The following PYY variants were observed in gnomAD, a reference collection of about 807,000 sequenced individuals.
PYY encodes peptide YY.
Under a neutral mutation model 10.3 loss-of-function variants are expected in PYY, and 12 were observed. The observed-to-expected ratio is 1.17, with a 90% confidence interval of 0.75 to 1.89. The LOEUF (loss-of-function observed/expected upper bound fraction) is 1.89. Among genes scored for constraint, PYY ranks in the 40% most tolerant of loss-of-function variants. PYY has a pLI of 0.00. For missense variants in PYY, 141 were observed against 134.0 expected (o/e 1.05, Z -0.26); for synonymous variants, 66 against 62.0 (o/e 1.06, Z -0.30).
At chr17:44,001,534 C>T (rs1483443423) in intron 1 of PYY, among the ~76,000 whole-genome samples, 1 of 152,202 alleles carries the variant, frequency 6.6e-6, no homozygotes, top group East Asian at 1.9e-4. Flanking sequence ...GGCCAGTCCC[C>T]AACCAGAGGA....
At chr17:43,986,928 TCAC>T (rs1284364254) in intron 1 of PYY, among the ~76,000 whole-genome samples, 8 of 152,208 alleles carry the variant, frequency 5.3e-5, no homozygotes, top group African/African-American at 1.9e-4. Flanking sequence ...CCTATGAGGT[TCAC>T]ATTATTAGCT....
intron 1 of PYY, among the ~76,000 whole-genome samples, chr17:43,994,255 T>G (rs966004625): frequency 1.3e-5 from 2 of 152,080 alleles, no homozygotes; most frequent in African/African-American, 4.8e-5. Context: ...GCCTGGGAAC[T>G]GTTCTTATCT....
intron 1 of PYY, among the ~76,000 whole-genome samples, chr17:43,984,058 C>CT (rs1432802261): frequency 6.6e-6 from 1 of 152,236 alleles, no homozygotes; most frequent in East Asian, 1.9e-4. Context: ...GCCGGAGGCC[C>CT]TTATCGCCCG....
intron 1 of PYY, among the ~76,000 whole-genome samples, chr17:43,980,665 G>T (rs1461704665): frequency 6.6e-6 from 1 of 151,368 alleles, no homozygotes; most frequent in Non-Finnish European, 1.5e-5. Context: ...ATAGAAACAG[G>T]GTTTCACCAT....
upstream of PYY, among the ~76,000 whole-genome samples, chr17:43,955,505 TC>T (rs1287964507): frequency 3.9e-5 from 6 of 151,948 alleles, no homozygotes; most frequent in Non-Finnish European, 8.8e-5. Context: ...GGACTCCACA[TC>T]CCAGGAAACA....
chr17:43,993,403 G>A (rs191387496), intron 1 of PYY, among the ~76,000 whole-genome samples: 20 of 151,026 alleles, frequency 1.3e-4, no homozygotes, highest in Admixed American at 6.0e-4. Context: ...AGCCTGCAGT[G>A]AGCCGAGATT....
At chr17:43,984,453 G>T (rs945844590) in intron 1 of PYY, among the ~76,000 whole-genome samples, 1 of 152,242 alleles carries the variant, frequency 6.6e-6, no homozygotes, top group Non-Finnish European at 1.5e-5. Flanking sequence ...GCGCGGGCCT[G>T]CCTGAGAAGC....
chr17:43,974,092 A>G (rs2048813470), intron 1 of PYY, among the ~76,000 whole-genome samples: 1 of 151,820 alleles, frequency 6.6e-6, no homozygotes, highest in African/African-American at 2.4e-5. Context: ...TCCCCTTCCC[A>G]TTGCAATTTG....
intron 1 of PYY, among the ~76,000 whole-genome samples, chr17:43,982,544 G>A (rs2048890215): frequency 6.6e-6 from 1 of 152,242 alleles, no homozygotes; most frequent in Admixed American, 6.5e-5. Context: ...GGCAGAGTCA[G>A]GCAAAAGCCA....
In PYY at chr17:43,963,507, C is replaced by CAA. The variant is rs56079292; in HGVS notation, c.-218+2779_-218+2780dup. 5.5e-3 allele frequency among the ~76,000 whole-genome samples: 420 copies of CAA among 76,870 alleles called. 9 individuals are homozygous for CAA. The highest frequency in any genetic ancestry group is 0.022 in the East Asian group (44 of 1,972). 50.4% of individuals were successfully genotyped at this position (76,870 alleles called of 152,430 possible). On this transcript the variant is annotated intron_variant, in intron 2 of 6. Coordinates refer to the PYY transcript ENST00000360085. ...TGGGCAGCAGAGTGAAACTCCATCT[C>CAA]AAAAAAAAAAAAAAAGAAAGAAAGA...
At chr17:43,974,841 C>T (rs1292574351) in intron 1 of PYY, among the ~76,000 whole-genome samples, 1 of 151,968 alleles carries the variant, frequency 6.6e-6, no homozygotes, top group Admixed American at 6.6e-5. Context: ...TTTGGCTTAG[C>T]TATAGTTTAT....
intron 1 of PYY, among the ~76,000 whole-genome samples, chr17:43,995,097 G>C (rs1250934438): frequency 6.6e-6 from 1 of 152,148 alleles, no homozygotes; most frequent in Non-Finnish European, 1.5e-5. Flanking sequence ...GCAATTGTTT[G>C]TCATTACAAC....
chr17:44,001,911 G>T (rs377754514), intron 1 of PYY, among the ~76,000 whole-genome samples: 6 of 152,332 alleles, frequency 3.9e-5, no homozygotes, highest in South Asian at 4.1e-4. Context: ...TAGGGAAAGA[G>T]AAGCACATTT....
intron 1 of PYY, among the ~76,000 whole-genome samples, chr17:43,972,191 T>TTTTATTTA (rs3080250): frequency 0.041 from 5,636 of 138,162 alleles, 174 homozygotes; most frequent in South Asian, 0.098. Flanking sequence ...TTTTATTTTA[T>TTTTATTTA]TTTATTTATT....
In PYY at chr17:43,976,227, ATACATATGCG is replaced by A. The variant is rs1318772227; in HGVS notation, c.-462-9705_-462-9696del. Among the ~76,000 whole-genome samples the A allele has an allele frequency of 8.1e-4, 117 of 144,308 alleles. 22 individuals are homozygous for A. Among genetic ancestry groups the A allele is most frequent in the African/African-American group, 2.9e-3 (108 of 37,340 alleles). 94.7% of individuals were successfully genotyped at this position (144,308 alleles called of 152,430 possible). The stretch of plus-strand genomic sequence containing the variant: ...TACATATACGTATATGTATACATAT[ATACATATGCG>A]TATATATACACATATGTATACATGT... On this transcript the variant is annotated intron_variant, in intron 1 of 6. Coordinates refer to the PYY transcript ENST00000360085.
upstream of PYY, among the ~76,000 whole-genome samples, chr17:43,955,422 CTG>C (rs1359867136): frequency 2.6e-5 from 4 of 152,164 alleles, no homozygotes; most frequent in Admixed American, 1.3e-4. Flanking sequence ...TCAGGGCTCT[CTG>C]TCACCATTTT....
chr17:44,001,802 C>T (rs1186993098), intron 1 of PYY, among the ~76,000 whole-genome samples: 1 of 152,090 alleles, frequency 6.6e-6, no homozygotes, highest in East Asian at 1.9e-4. Flanking sequence ...CCTCAGGGAG[C>T]CCCAGTCTGA....
At chr17:43,973,237 T>C (rs146727542) in intron 1 of PYY, among the ~76,000 whole-genome samples, 172 of 152,330 alleles carry the variant, frequency 1.1e-3, no homozygotes, top group African/African-American at 4.0e-3. Flanking sequence ...GATAAATTCC[T>C]GGCTTCCTAG....
In PYY at chr17:43,980,325, G is replaced by A. The variant is rs554200217; in HGVS notation, c.-462-13793C>T. Reference sequence around the variant, plus strand: ...ATTACAGGCATGCGCCACCATGCCCGGCTAATTTTTGTATTTTTAGTAGAG... The same window carrying A: ...ATTACAGGCATGCGCCACCATGCCCAGCTAATTTTTGTATTTTTAGTAGAG... On this transcript the variant is annotated intron_variant, in intron 1 of 6. Transcript: ENST00000360085. Among the ~76,000 whole-genome samples, 349 of 151,376 alleles carry A rather than the reference G, an allele frequency of 2.3e-3. 2 individuals carry two copies. Among genetic ancestry groups the A allele is most frequent in the African/African-American group, 7.9e-3 (324 of 41,232 alleles).
Sources: gnomAD v4.1 joint callset for allele counts (sites outside exome capture counted in the v4.1 genomes callset) on GRCh38, gnomAD v4.1.1 for gene constraint, MANE v1.5 for transcripts, NCBI Gene and HGNC (gene_info 2026-07-23, HGNC 2026-07-21) for gene names.